Variants in HNRNPK observed in about 807,000 individuals in gnomAD.
The protein encoded by HNRNPK is heterogeneous nuclear ribonucleoprotein K, also known as dC-stretch binding protein.
Under a neutral mutation model 67.0 loss-of-function variants are expected in HNRNPK, and 7 were observed. The observed-to-expected ratio is 0.10, with a 90% CI of 0.06 to 0.20. The LOEUF (loss-of-function observed/expected upper bound fraction) is 0.20, where lower values mean the gene tolerates loss of function less well. HNRNPK is among the 10% of genes least tolerant of loss of function. The pLI is 1.00. For synonymous variants in HNRNPK, 213 were observed against 193.7 expected, an observed-to-expected ratio of 1.10 and a Z score of -0.83; for missense variants, 264 against 606.5, an observed-to-expected ratio of 0.44 and a Z score of 5.93.
chr9:83,969,919 T>A (rs1486788692), intron 16 of HNRNPK: 1 of 633,418 alleles, frequency 1.6e-6, no homozygotes, highest in Non-Finnish European at 3.0e-6. Context: ...TGGCAGCAGT[T>A]TTCACCAGAG....
Position 83,974,335 on chromosome 9 carries a change from G to GT in HNRNPK, c.330+181dup, listed in dbSNP as rs545247947. Among the ~76,000 whole-genome samples the GT allele has an allele frequency of 7.9e-3, 1,029 of 130,268 alleles. 7 individuals are homozygous for GT. Among genetic ancestry groups the GT allele is most frequent in the African/African-American group, 0.023 (767 of 34,008 alleles). The allele number at this position is 130,268 out of a possible 152,430, so 85.5% of individuals were successfully genotyped here. A position where few individuals can be genotyped will look rare whatever the true frequency, so the allele number is the denominator to read the frequency against. The stretch of plus-strand genomic sequence containing the variant: ...CATTTACTCCAGGAGTGGCCAGCCT[G>GT]TTTTTTTTTTTAAAAAAAAAAAAAC... On this transcript the variant is annotated intron_variant, in intron 7 of 16. Transcript: ENST00000376263.
chr9:83,972,283 T>A, intron 10 of HNRNPK, 94 bp from the exon 11 acceptor site: 1 of 932,508 alleles, frequency 1.1e-6, no homozygotes. Flanking sequence ...AAAATGTAAG[T>A]CATTCCCCCA....
intron 13 of HNRNPK, 130 bp from the exon 14 acceptor site, chr9:83,971,042 A>G (rs942969486): frequency 1.0e-5 from 9 of 903,820 alleles, no homozygotes; most frequent in Non-Finnish European, 1.4e-5. Flanking sequence ...CTCGGGCTCA[A>G]GTGATCCTCC....
chr9:83,975,349 G>GAAAAACAATACACCGTCTAAA, intron 6 of HNRNPK, 113 bp downstream of exon 6: 2 of 989,066 alleles, frequency 2.0e-6, no homozygotes, highest in Non-Finnish European at 3.1e-6. Flanking sequence ...ACAGAAACTT[G>GAAAAACAATACACCGTCTAAA]AAAAACAATA....
chr9:83,974,455 C>T, intron 7 of HNRNPK, 62 bp downstream of exon 7: 1 of 809,252 alleles, frequency 1.2e-6, no homozygotes, highest in South Asian at 1.5e-5. Context: ...TACCCCAATA[C>T]AACATACTTT....
intron 1 of HNRNPK, among the ~76,000 whole-genome samples, chr9:83,978,941 G>A (rs560014780): frequency 6.6e-6 from 1 of 152,120 alleles, no homozygotes; most frequent in Non-Finnish European, 1.5e-5. Context: ...ATCTACCGGA[G>A]GGATAAATCC....
intron 3 of HNRNPK, 140 bp downstream of exon 3, chr9:83,978,055 A>G (rs1957151078): frequency 7.9e-6 from 5 of 635,900 alleles, no homozygotes; most frequent in African/African-American, 1.8e-5. Flanking sequence ...AAAAGCTAAG[A>G]TGTAACTACT....
At chr9:83,979,438 G>T (rs923436255) in intron 1 of HNRNPK, among the ~76,000 whole-genome samples, 9 of 152,224 alleles carry the variant, frequency 5.9e-5, no homozygotes, top group Non-Finnish European at 1.0e-4. Flanking sequence ...TCACCCTTCG[G>T]GTCCTGCAGT....
At chr9:83,980,456 A>G (rs1957342857), upstream of HNRNPK, 1 of 152,716 alleles carries the variant, frequency 6.5e-6, no homozygotes, top group South Asian at 2.1e-4. Context: ...GGGAGCCCCA[A>G]CCCTTACCCG....
Position 83,978,468 on chromosome 9 carries a change from C to A in HNRNPK, c.-107-16G>T, listed in dbSNP as rs1011931228. The A allele has an allele frequency of 3.3e-6, 3 of 897,628 alleles. No homozygotes were observed. In the East Asian group the frequency reaches 9.6e-5, roughly 29 times the overall value. 55.6% of individuals were successfully genotyped at this position (897,628 alleles called of 1,614,324 possible). ...CTGCAGTAGCCTATAAGAACCAACACAAATCAGTTTTGCTTTTGTTTATTC... is the reference window on the plus strand; with the variant it reads ...CTGCAGTAGCCTATAAGAACCAACAAAAATCAGTTTTGCTTTTGTTTATTC... On this transcript the variant is annotated splice_polypyrimidine_tract_variant and intron_variant, in intron 1 of 16. Coordinates refer to ENST00000376263, the MANE Select transcript of HNRNPK (RefSeq NM_031263.4).
In HNRNPK at chr9:83,968,725, A is replaced by G. The variant is rs1243580074; in HGVS notation, c.*682T>C. 1.3e-5 allele frequency: 2 copies of G among 152,668 alleles called. No individual in the cohort carries two copies. The highest frequency in any genetic ancestry group is 2.4e-5 in the African/African-American group (1 of 41,468). 9.5% of individuals were successfully genotyped at this position (152,668 alleles called of 1,614,324 possible). A position where few individuals can be genotyped will look rare whatever the true frequency, so the allele number is the denominator to read the frequency against. ...AATTTCTTCCCAGCAATAGACTTCC[A>G]AACCATCAAGAAATCACCAGAACTA... On this transcript the variant is annotated 3_prime_UTR_variant, in exon 17 of 17. Transcript: ENST00000376263.
chr9:83,970,773 T>C lies in HNRNPK; in HGVS notation c.1155A>G (p.Gly385=). The C allele has an allele frequency of 6.2e-7, 1 of 1,607,920 alleles. No homozygotes were observed. The highest frequency in any genetic ancestry group is 8.5e-7 in the Non-Finnish European group (1 of 1,174,522). The part of the protein sequence containing the change: ...GGRGSYGDLG[G]PIITTQVTIP... ...TAGTTACTTGTGTAGTAATAATAGG[T>C]CCACCAAGATCACCATATGAGCCAC... The change falls in exon 15 of 17, where the codon GGA becomes GGG. Residue 385 remains glycine (G), a synonymous_variant. Transcript: ENST00000376263.
chr9:83,978,331 T>TAAAA (rs55698797), intron 2 of HNRNPK, 42 bp downstream of exon 2: 17 of 1,271,460 alleles, frequency 1.3e-5, no homozygotes, highest in African/African-American at 5.1e-5. Context: ...AAGCAAGCTG[T>TAAAA]AAAAAAAAAA....
chr9:83,972,607 A>C (rs1956902361), intron 10 of HNRNPK, among the ~76,000 whole-genome samples: 1 of 152,200 alleles, frequency 6.6e-6, no homozygotes, highest in African/African-American at 2.4e-5. Flanking sequence ...CACAAGCAAC[A>C]CTATAGGAAA....
At chr9:83,974,458 C>T in intron 7 of HNRNPK, 59 bp downstream of exon 7, 1 of 824,042 alleles carries the variant, frequency 1.2e-6, no homozygotes, top group Non-Finnish European at 2.0e-6. Context: ...CCCAATACAA[C>T]ATACTTTAAA....
intron 5 of HNRNPK, among the ~76,000 whole-genome samples, chr9:83,976,076 C>A (rs1588429243): frequency 6.6e-6 from 1 of 151,920 alleles, no homozygotes; most frequent in Admixed American, 6.6e-5. Flanking sequence ...ACAAAAATTC[C>A]CACACCACCA....
chr9:83,977,734 T>C lies in HNRNPK; in HGVS notation c.111A>G (p.Arg37=). The C allele has an allele frequency of 6.2e-7, 1 of 1,610,192 alleles. No individual in the cohort carries two copies. Among genetic ancestry groups the C allele is most frequent in the Non-Finnish European group, 8.5e-7 (1 of 1,177,262 alleles). The change falls in exon 4 of 17, where the codon AGA becomes AGG. Residue 37 remains arginine (R), a synonymous_variant. Transcript: ENST00000376263. The part of the protein sequence containing the change: ...MEEEQAFKRS[R]NTDEMVELRI... ...GTAATTCAACCATCTCATCAGTGTT[T>C]CTAGATCTTTTAAATGCTTGTTCCT...
chr9:83,969,012 G>T lies in HNRNPK; in HGVS notation c.*395C>A, dbSNP rs1009667325. The T allele has an allele frequency of 1.2e-5, 4 of 333,320 alleles. No homozygotes were observed. The highest frequency in any genetic ancestry group is 6.4e-5 in the African/African-American group (3 of 46,998). 20.6% of individuals were successfully genotyped at this position (333,320 alleles called of 1,614,324 possible). On this transcript the variant is annotated 3_prime_UTR_variant, in exon 17 of 17. Coordinates refer to ENST00000376263, the MANE Select transcript of HNRNPK (RefSeq NM_031263.4). ...AGATGCCAGGGACATGTGGACTATT[G>T]TTACTTTTCCTCCCTGTCCCACCCC...
intron 7 of HNRNPK, 126 bp downstream of exon 7, chr9:83,974,391 G>T: frequency 1.9e-6 from 1 of 528,728 alleles, no homozygotes; most frequent in Non-Finnish European, 3.3e-6. Flanking sequence ...TATGTAGCAG[G>T]TTAAGATACT....
Sources: gnomAD v4.1 joint callset for allele counts (sites outside exome capture counted in the v4.1 genomes callset) on GRCh38, gnomAD v4.1.1 for gene constraint, MANE v1.5 for transcripts, NCBI Gene and HGNC (gene_info 2026-07-23, HGNC 2026-07-21) for gene names.